The following DGKE variants were observed in gnomAD, a reference collection of about 807,000 sequenced individuals.
DGKE encodes the protein diacylglycerol kinase epsilon.
Under a neutral mutation model 70.0 loss-of-function variants are expected in DGKE, and 53 were observed. The ratio of observed to expected loss-of-function variants is 0.76; its 90% confidence interval spans 0.61 to 0.95. The LOEUF (loss-of-function observed/expected upper bound fraction) is 0.95. Among genes scored for constraint, DGKE ranks in the 40% least tolerant of loss-of-function variants. The pLI, the probability that DGKE is intolerant of heterozygous loss-of-function variation, is 0.00. For missense variants in DGKE, 655 were observed against 706.9 expected (o/e 0.93, Z 0.83); for synonymous variants, 291 against 257.0 (o/e 1.13, Z -1.27).
intron 7 of DGKE, 132 bp from the exon 8 acceptor site, chr17:56,856,380 T>C: frequency 1.0e-6 from 1 of 984,032 alleles, no homozygotes; most frequent in Non-Finnish European, 1.5e-6. Flanking sequence ...CAGTATAAAA[T>C]AGCCATGTGA....
At chr17:56,834,508 G>A (rs1251740912) in intron 1 of DGKE, among the ~76,000 whole-genome samples, 1 of 152,230 alleles carries the variant, frequency 6.6e-6, no homozygotes, top group East Asian at 1.9e-4. Context: ...GCGGCAAGGT[G>A]AGGCGGCGGC....
At position 56,852,079 on chromosome 17, in the gene DGKE, AAAG is replaced by A. The variant is rs544716051; in HGVS notation, c.1098+2849_1098+2851del. ...TGCAGATAAGACCCCATCTCTAAAAAAAGAGAAAAAGAATACAGTAAGTAACAT... is the reference window on the plus strand; with the variant it reads ...TGCAGATAAGACCCCATCTCTAAAAAAGAAAAAGAATACAGTAAGTAACAT... On this transcript the variant is annotated intron_variant, in intron 7 of 11. Coordinates refer to ENST00000284061, the MANE Select transcript of DGKE (RefSeq NM_003647.3). 5.3e-5 allele frequency among the ~76,000 whole-genome samples: 8 copies of A among 152,244 alleles called. No individual in the cohort carries two copies. In the South Asian group the frequency reaches 1.7e-3, roughly 32 times the overall value.
At chr17:56,841,889 G>A (rs1227993679) in intron 2 of DGKE, among the ~76,000 whole-genome samples, 1 of 151,954 alleles carries the variant, frequency 6.6e-6, no homozygotes, top group Non-Finnish European at 1.5e-5. Context: ...ACCCTTTCCC[G>A]GGTTCAAGTG....
At chr17:56,850,309 G>A (rs1431069429) in intron 7 of DGKE, among the ~76,000 whole-genome samples, 1 of 151,804 alleles carries the variant, frequency 6.6e-6, no homozygotes, top group Non-Finnish European at 1.5e-5. Flanking sequence ...TTTTGTTTCT[G>A]TTTTGTAGAG....
intron 2 of DGKE, among the ~76,000 whole-genome samples, chr17:56,840,848 A>T (rs911276354): frequency 2.0e-5 from 3 of 152,200 alleles, no homozygotes; most frequent in Non-Finnish European, 2.9e-5. Flanking sequence ...TCAAAGCATA[A>T]CAGCATTTAA....
At chr17:56,847,880 A>G in intron 4 of DGKE, 42 bp from the exon 5 acceptor site, 1 of 1,441,214 alleles carries the variant, frequency 6.9e-7, no homozygotes, top group Non-Finnish European at 9.3e-7. Flanking sequence ...GATGAAGGAA[A>G]ATGTTGGATA....
At chr17:56,839,614 G>A (rs1190455547) in intron 2 of DGKE, among the ~76,000 whole-genome samples, 2 of 152,128 alleles carry the variant, frequency 1.3e-5, no homozygotes, top group African/African-American at 4.8e-5. Context: ...AGCCTCCCAG[G>A]TTCAAGCAAT....
chr17:56,850,248 C>T (rs906825970), intron 7 of DGKE, among the ~76,000 whole-genome samples: 15 of 152,086 alleles, frequency 9.9e-5, no homozygotes, highest in Non-Finnish European at 1.8e-4. Flanking sequence ...CCTCAGCCTC[C>T]GAAGTAGCTG....
Position 56,834,965 on chromosome 17 carries a change from A to G in DGKE, c.170A>G (p.Lys57Arg). The G allele has an allele frequency of 1.9e-6, 3 of 1,613,182 alleles. No homozygotes were observed. The highest frequency in any genetic ancestry group is 1.7e-6 in the Non-Finnish European group (2 of 1,179,970). The change falls in exon 2 of 12, where the codon AAG (lysine) becomes AGG (arginine). Residue 57 changes from lysine (K) to arginine (R), a missense_variant. Transcript: ENST00000284061. The stretch of plus-strand genomic sequence containing the variant: ...CTGCACCGCAGGGACATCTTCCGCA[A>G]GAGCAAGCACGGGTGGCGCGACACG... ...RQLHRRDIFR[K>R]SKHGWRDTDL...
intron 7 of DGKE, 57 bp from the exon 8 acceptor site, chr17:56,856,455 A>G: frequency 6.6e-7 from 1 of 1,522,682 alleles, no homozygotes; most frequent in Non-Finnish European, 8.9e-7. Flanking sequence ...ACATTTAATT[A>G]TGACTCAAGC....
chr17:56,865,641 T>C lies in DGKE; in HGVS notation c.*2850T>C, dbSNP rs1908498455. On this transcript the variant is annotated 3_prime_UTR_variant, in exon 12 of 12. Coordinates refer to ENST00000284061, the MANE Select transcript of DGKE (RefSeq NM_003647.3). ...TTTTATAATCAAAATTATTTATTTTTATTTTTTTAGAGTATGTCAAAAACA... is the reference window on the plus strand; with the variant it reads ...TTTTATAATCAAAATTATTTATTTTCATTTTTTTAGAGTATGTCAAAAACA... The C allele has an allele frequency of 6.6e-6, 1 of 152,170 alleles. No homozygotes were observed. Among genetic ancestry groups the C allele is most frequent in the Non-Finnish European group, 1.5e-5 (1 of 68,016 alleles). 9.4% of individuals were successfully genotyped at this position (152,170 alleles called of 1,614,324 possible). A position where few individuals can be genotyped will look rare whatever the true frequency, so the allele number is the denominator to read the frequency against.
In DGKE at chr17:56,845,792, T is replaced by C. The variant is rs770965705; in HGVS notation, c.727T>C (p.Leu243=). The change falls in exon 4 of 12, where the codon TTG becomes CTG. Residue 243 remains leucine, a synonymous_variant. Transcript: ENST00000284061. ...GEGLLGEFRI[L]LNPVQVFDVT... ...AGGACTGTTGGGAGAATTTAGGATC[T>C]TGTTGAATCCAGTCCAGGTAACTAA... 5.8e-5 allele frequency: 94 copies of C among 1,607,028 alleles called. No homozygotes were observed. Among genetic ancestry groups the C allele is most frequent in the Non-Finnish European group, 7.3e-5 (86 of 1,177,168 alleles).
chr17:56,844,233 A>G, intron 3 of DGKE, 55 bp downstream of exon 3: 1 of 1,198,784 alleles, frequency 8.3e-7, no homozygotes, highest in Non-Finnish European at 1.1e-6. Flanking sequence ...TGCTTAACTC[A>G]TTGTTTGAGA....
At chr17:56,838,363 A>G (rs1906760532) in intron 2 of DGKE, 1 of 152,238 alleles carries the variant, frequency 6.6e-6, no homozygotes, top group Non-Finnish European at 1.5e-5. Flanking sequence ...GAGGTGGGCA[A>G]ACTTACTGTA....
rs1188251314 is a variant in DGKE, at chr17:56,867,368, G to A, written c.*4577G>A. 1 of 152,086 alleles carries A rather than the reference G, an allele frequency of 6.6e-6. No individual in the cohort carries two copies. The highest frequency in any genetic ancestry group is 1.5e-5 in the Non-Finnish European group (1 of 68,034). The allele number at this position is 152,086 out of a possible 1,614,324, so 9.4% of individuals were successfully genotyped here. On this transcript the variant is annotated 3_prime_UTR_variant, in exon 12 of 12. Coordinates refer to ENST00000284061, the MANE Select transcript of DGKE (RefSeq NM_003647.3). Reference sequence around the variant, plus strand: ...GTAATCCCAGCACTTGGGGGGCTAAGGGAGGCGTATCACCTGAGGTCAGGA... The same window carrying A: ...GTAATCCCAGCACTTGGGGGGCTAAAGGAGGCGTATCACCTGAGGTCAGGA...
At chr17:56,841,301 C>G (rs891363012) in intron 2 of DGKE, among the ~76,000 whole-genome samples, 51 of 150,198 alleles carry the variant, frequency 3.4e-4, no homozygotes, top group Non-Finnish European at 7.1e-4. Flanking sequence ...AAGCCAACTA[C>G]AAACGGAAAT....
chr17:56,848,785 TGCTGGA>T lies in DGKE; in HGVS notation c.980_985del (p.Ala327_Gly328del). The T allele has an allele frequency of 6.2e-7, 1 of 1,614,212 alleles. No individual in the cohort carries two copies. Among genetic ancestry groups the T allele is most frequent in the South Asian group, 1.1e-5 (1 of 91,088 alleles). Reference sequence around the variant, plus strand: ...ATACATTGGGTTGGGGTACAGGTTATGCTGGAGAAATTCCAGTTGCGCAGGTTTTGC... The same window carrying T: ...ATACATTGGGTTGGGGTACAGGTTATGAAATTCCAGTTGCGCAGGTTTTGC... On this transcript the variant is annotated inframe_deletion, in exon 6 of 12. Transcript: ENST00000284061.
Position 56,868,713 on chromosome 17 carries a change from T to TA in DGKE, c.*5923dup, listed in dbSNP as rs1215087417. 6.6e-6 allele frequency: 1 copy of TA among 152,242 alleles called. No homozygotes were observed. The highest frequency in any genetic ancestry group is 1.5e-5 in the Non-Finnish European group (1 of 68,052). 9.4% of individuals were successfully genotyped at this position (152,242 alleles called of 1,614,324 possible). ...GTAGTTTTTTGACACAACCATGAGA[T>TA]ACAATAAGCAGCTTTGACTTAGTGT... is the stretch of plus-strand genomic sequence containing the variant. On this transcript the variant is annotated 3_prime_UTR_variant, in exon 12 of 12. Coordinates refer to ENST00000284061, the MANE Select transcript of DGKE (RefSeq NM_003647.3).
chr17:56,862,021 T>C (rs1908323852), intron 10 of DGKE, 103 bp downstream of exon 10: 5 of 1,527,598 alleles, frequency 3.3e-6, no homozygotes, highest in Non-Finnish European at 4.4e-6. Context: ...TTTTTGTGTA[T>C]CTCATTAGTT....
Sources: gnomAD v4.1 joint callset for allele counts (sites outside exome capture counted in the v4.1 genomes callset) on GRCh38, gnomAD v4.1.1 for gene constraint, MANE v1.5 for transcripts, NCBI Gene and HGNC (gene_info 2026-07-23, HGNC 2026-07-21) for gene names.